FOXN3: variants seen among roughly 807,000 people sequenced by gnomAD.
FOXN3 encodes forkhead box protein N3.
A neutral mutation model predicts 38.4 loss-of-function variants in FOXN3; 7 were observed. The ratio of observed to expected loss-of-function variants is 0.18; its 90% CI spans 0.10 to 0.34. The LOEUF (loss-of-function observed/expected upper bound fraction) is 0.34. Among genes scored for constraint, FOXN3 ranks in the 10% least tolerant of loss-of-function variants. The pLI is 1.00. For synonymous variants in FOXN3, 230 were observed against 242.2 expected (o/e 0.95, Z 0.47); for missense variants, 456 against 613.4 (o/e 0.74, Z 2.71).
chr14:89,476,598 C>T (rs748620088), intron 1 of FOXN3, among the ~76,000 whole-genome samples: 5 of 152,204 alleles, frequency 3.3e-5, no homozygotes, highest in African/African-American at 1.2e-4. Context: ...AACATGGACA[C>T]ATAAACCACA....
At chr14:89,547,335 A>G (rs571426809) in intron 1 of FOXN3, among the ~76,000 whole-genome samples, 2 of 151,604 alleles carry the variant, frequency 1.3e-5, no homozygotes, top group South Asian at 4.2e-4. Flanking sequence ...GCTCACTGCA[A>G]CCTCTGCCTC....
chr14:89,450,323 T>G (rs1892589871), intron 1 of FOXN3, among the ~76,000 whole-genome samples: 1 of 152,194 alleles, frequency 6.6e-6, no homozygotes, highest in African/African-American at 2.4e-5. Context: ...TAATTATACA[T>G]GCAAAAACCC....
chr14:89,329,932 C>T (rs927149702), intron 3 of FOXN3, among the ~76,000 whole-genome samples: 2 of 150,292 alleles, frequency 1.3e-5, no homozygotes, highest in African/African-American at 4.9e-5. Flanking sequence ...GCGGAAAAAC[C>T]CTGGGTGGAC....
At chr14:89,563,112 G>A (rs8021593) in intron 1 of FOXN3, among the ~76,000 whole-genome samples, 70,702 of 152,000 alleles carry the variant, frequency 0.47, 19,751 homozygotes, top group Non-Finnish European at 0.64. Flanking sequence ...GTCTTAAAGG[G>A]GCTTACAGTC....
At chr14:89,511,137 TTTCTTTTC>T (rs1566680765) in intron 1 of FOXN3, among the ~76,000 whole-genome samples, 2 of 24,852 alleles carry the variant, frequency 8.0e-5, no homozygotes, top group East Asian at 5.5e-4. Flanking sequence ...TCTTTCTTTC[TTTCTTTTC>T]TTTCTTTCTT....
intron 1 of FOXN3, among the ~76,000 whole-genome samples, chr14:89,531,526 C>G (rs1894571246): frequency 2.0e-5 from 3 of 152,204 alleles, no homozygotes; most frequent in African/African-American, 7.2e-5. Flanking sequence ...AGGACTTTCT[C>G]TTTCTCTCTT....
At chr14:89,601,030 C>T (rs914075716) in intron 1 of FOXN3, among the ~76,000 whole-genome samples, 16 of 152,138 alleles carry the variant, frequency 1.1e-4, no homozygotes, top group African/African-American at 3.4e-4. Context: ...GCTAGATTTG[C>T]CTCCTGGGTC....
intron 1 of FOXN3, among the ~76,000 whole-genome samples, chr14:89,473,293 G>C (rs1303825417): frequency 6.6e-6 from 1 of 151,934 alleles, no homozygotes; most frequent in Non-Finnish European, 1.5e-5. Context: ...CAAAGTGCTG[G>C]AATTACAGGC....
At chr14:89,408,641 G>A (rs1178305036) in intron 2 of FOXN3, among the ~76,000 whole-genome samples, 4 of 150,654 alleles carry the variant, frequency 2.7e-5, no homozygotes, top group Admixed American at 2.0e-4. Context: ...AGCAGGGTAT[G>A]TGTTCCAAGC....
intron 5 of FOXN3, among the ~76,000 whole-genome samples, chr14:89,169,535 AAC>A (rs892886955): frequency 2.2e-5 from 3 of 137,102 alleles, no homozygotes; most frequent in East Asian, 2.2e-4. Flanking sequence ...ACACTCACAA[AAC>A]ACACACACAC....
intron 1 of FOXN3, among the ~76,000 whole-genome samples, chr14:89,563,209 C>T (rs1895284573): frequency 6.6e-6 from 1 of 152,230 alleles, no homozygotes; most frequent in Non-Finnish European, 1.5e-5. Context: ...GACTGTCTTA[C>T]ATGCTTTATT....
In FOXN3 at chr14:89,511,203, T is replaced by TC. The variant is rs1555358068; in HGVS notation, c.-14-98714_-14-98713insG. On this transcript the variant is annotated intron_variant, in intron 1 of 6. Transcript: ENST00000345097. The stretch of plus-strand genomic sequence containing the variant: ...TTTCTTTCTTTCTTTTCTTTCTTTC[T>TC]TTTCTTTCTTTCTTTCTTTCTTTCT... 7.3e-4 allele frequency among the ~76,000 whole-genome samples: 11 copies of TC among 14,976 alleles called. 2 individuals carry two copies. Among genetic ancestry groups the TC allele is most frequent in the Admixed American group, 6.7e-3 (4 of 600 alleles). 9.8% of individuals were successfully genotyped at this position (14,976 alleles called of 152,430 possible). A position where few individuals can be genotyped will look rare whatever the true frequency, so the allele number is the denominator to read the frequency against.
intron 3 of FOXN3, among the ~76,000 whole-genome samples, chr14:89,349,225 A>G (rs1044762307): frequency 5.3e-5 from 8 of 152,210 alleles, no homozygotes; most frequent in Admixed American, 1.3e-4. Context: ...TATGGCCACA[A>G]GGAGAAAACC....
Position 89,350,940 on chromosome 14 carries a change from A to G in FOXN3, c.544-132T>C, listed in dbSNP as rs529062243. ...TTTGTTGACTGTTTGCCAGCCTTAA[A>G]TATTATACTGACAGTAGAACTCCAT... On this transcript the variant is annotated intron_variant, in intron 2 of 5. Coordinates refer to ENST00000557258, the MANE Select transcript of FOXN3 (RefSeq NM_005197.4). 3.2e-5 allele frequency: 19 copies of G among 596,102 alleles called. No individual in the cohort carries two copies. The South Asian group carries it at 6.5e-4, about 20-fold the overall frequency. 36.9% of individuals were successfully genotyped at this position (596,102 alleles called of 1,614,324 possible). A position where few individuals can be genotyped will look rare whatever the true frequency, so the allele number is the denominator to read the frequency against.
chr14:89,325,358 C>CCACCACCACCACCACCAT (rs1888046479), intron 3 of FOXN3, among the ~76,000 whole-genome samples: 1 of 138,616 alleles, frequency 7.2e-6, no homozygotes, highest in Admixed American at 7.1e-5. Context: ...ACCACCACCA[C>CCACCACCACCACCACCAT]CACTACCACC....
intron 1 of FOXN3, among the ~76,000 whole-genome samples, chr14:89,456,126 G>A (rs907376707): frequency 5.3e-5 from 8 of 150,964 alleles, no homozygotes; most frequent in South Asian, 2.1e-4. Flanking sequence ...CCTGGGAGGC[G>A]GAGGTAGCCG....
chr14:89,484,253 G>A lies in FOXN3; in HGVS notation c.-14-71763C>T, dbSNP rs1010177160. 2.0e-5 allele frequency among the ~76,000 whole-genome samples: 3 copies of A among 152,054 alleles called. No homozygotes were observed. The highest frequency in any genetic ancestry group is 7.2e-5 in the African/African-American group (3 of 41,394). The stretch of plus-strand genomic sequence containing the variant: ...GAGAAAGCTCCACACATCAAATTTC[G>A]CAAACACTTACGTCACACAACTGCC... On this transcript the variant is annotated intron_variant, in intron 1 of 6. Transcript: ENST00000345097. This position sits in a 1 kb window ranked among gnomAD's most constrained non-coding sequence, Gnocchi z 4.0.
At chr14:89,170,370 G>A (rs958294294) in intron 5 of FOXN3, among the ~76,000 whole-genome samples, 1 of 152,140 alleles carries the variant, frequency 6.6e-6, no homozygotes, top group African/African-American at 2.4e-5. Flanking sequence ...CATAGAACAT[G>A]TGCTAATAAT....
At chr14:89,204,063 A>G (rs1167438920) in intron 4 of FOXN3, among the ~76,000 whole-genome samples, 2 of 80,078 alleles carry the variant, frequency 2.5e-5, no homozygotes, top group Non-Finnish European at 4.8e-5. Context: ...ACACACACAC[A>G]CACACACACA....
Sources: gnomAD v4.1 joint callset for allele counts (sites outside exome capture counted in the v4.1 genomes callset) on GRCh38, gnomAD v4.1.1 for gene constraint, Gnocchi (gnomAD v3.1) non-coding constraint, MANE v1.5 for transcripts, NCBI Gene and HGNC (gene_info 2026-07-23, HGNC 2026-07-21) for gene names.